Variants in SCARB2 observed in about 807,000 individuals in gnomAD.
The protein encoded by SCARB2 is lysosome membrane protein 2.
Under a neutral mutation model 58.6 loss-of-function variants are expected in SCARB2, and 29 were observed. That is an observed-to-expected ratio of 0.49 (90% CI 0.37 to 0.67). The LOEUF (loss-of-function observed/expected upper bound fraction) is 0.67, where lower values mean the gene tolerates loss of function less well. Among genes scored for constraint, SCARB2 ranks in the 30% least tolerant of loss-of-function variants. The pLI, the probability that SCARB2 is intolerant of heterozygous loss-of-function variation, is 0.00. For synonymous variants in SCARB2, 195 were observed against 210.1 expected, an observed-to-expected ratio of 0.93 and a Z score of 0.62; for missense variants, 488 against 578.5, an observed-to-expected ratio of 0.84 and a Z score of 1.60.
At chr4:76,215,410 C>T (rs1031296675), upstream of SCARB2, among the ~76,000 whole-genome samples, 2 of 152,142 alleles carry the variant, frequency 1.3e-5, no homozygotes, top group Non-Finnish European at 2.9e-5. Flanking sequence ...TGCTGCATCC[C>T]GATCTGTCAC....
intron 7 of SCARB2, among the ~76,000 whole-genome samples, chr4:76,172,396 T>C (rs984245223): frequency 1.3e-5 from 2 of 151,870 alleles, no homozygotes; most frequent in Admixed American, 6.6e-5. Context: ...TCTGGAACTA[T>C]AGGTGTATGC....
chr4:76,193,944 T>C (rs934474249), intron 2 of SCARB2: 1 of 152,220 alleles, frequency 6.6e-6, no homozygotes, highest in African/African-American at 2.4e-5. Flanking sequence ...CATGTTGAAC[T>C]GTAATCTTCA....
chr4:76,213,951 G>A (rs918689783), upstream of SCARB2: 18 of 168,596 alleles, frequency 1.1e-4, no homozygotes, highest in Admixed American at 2.0e-4. Flanking sequence ...TGCGGCGGCG[G>A]CAGTGATTCG....
chr4:76,187,509 T>C (rs1227275020), intron 2 of SCARB2, among the ~76,000 whole-genome samples: 1 of 152,226 alleles, frequency 6.6e-6, no homozygotes, highest in Admixed American at 6.5e-5. Flanking sequence ...GTAATACATT[T>C]ACTCTATTAA....
intron 1 of SCARB2, 37 bp from the exon 2 acceptor site, chr4:76,195,901 A>G (rs960124165): frequency 7.0e-6 from 11 of 1,573,210 alleles, no homozygotes; most frequent in Non-Finnish European, 7.8e-6. Flanking sequence ...CAAAAATGTA[A>G]GGCAATAGTT....
chr4:76,162,652 C>T (rs189684778), intron 11 of SCARB2: 1 of 160,652 alleles, frequency 6.2e-6, no homozygotes, highest in African/African-American at 2.4e-5. Context: ...CCCTGGCTGT[C>T]TTGCTCTATA....
At chr4:76,192,328 C>T (rs545954293) in intron 2 of SCARB2, 1 of 152,304 alleles carries the variant, frequency 6.6e-6, no homozygotes, top group Non-Finnish European at 1.5e-5. Context: ...CTGAAAAGGT[C>T]TCAGATGGAA....
chr4:76,209,977 T>C (rs1368830886), intron 1 of SCARB2, among the ~76,000 whole-genome samples: 5 of 152,196 alleles, frequency 3.3e-5, no homozygotes, highest in Non-Finnish European at 7.3e-5. Flanking sequence ...CTGCAGAGAT[T>C]AGGAGCGCAA....
At chr4:76,229,179 T>C (rs1733451217) in intron 1 of SCARB2, among the ~76,000 whole-genome samples, 1 of 152,238 alleles carries the variant, frequency 6.6e-6, no homozygotes, top group African/African-American at 2.4e-5. Flanking sequence ...GTCTTTGATT[T>C]CCAGAAGTTG....
intron 1 of SCARB2, among the ~76,000 whole-genome samples, chr4:76,210,891 C>T (rs1333297440): frequency 6.6e-6 from 1 of 152,144 alleles, no homozygotes; most frequent in East Asian, 1.9e-4. Context: ...ATCCCTTTTC[C>T]CTCTTCCCTT....
At chr4:76,220,354 T>G (rs1377795557) in intron 1 of SCARB2, among the ~76,000 whole-genome samples, 3 of 152,164 alleles carry the variant, frequency 2.0e-5, no homozygotes. Context: ...AGGCTGGGTG[T>G]GGTGGCTCAT....
intron 8 of SCARB2, among the ~76,000 whole-genome samples, chr4:76,169,349 T>C (rs932377342): frequency 1.6e-5 from 2 of 126,446 alleles, no homozygotes; most frequent in Non-Finnish European, 3.3e-5. Flanking sequence ...CACGTGTGTA[T>C]GTCTCCTCTA....
intron 7 of SCARB2, 153 bp downstream of exon 7, chr4:76,173,991 G>A: frequency 1.1e-6 from 1 of 880,306 alleles, no homozygotes; most frequent in Non-Finnish European, 1.8e-6. Flanking sequence ...ATGGACTTGA[G>A]AACTCCTGGG....
intron 1 of SCARB2, among the ~76,000 whole-genome samples, chr4:76,200,034 C>T (rs1329230795): frequency 1.3e-5 from 2 of 152,202 alleles, no homozygotes; most frequent in Non-Finnish European, 2.9e-5. Context: ...CAAATAATAA[C>T]CTCAGCCTCA....
In SCARB2 at chr4:76,195,741, G is replaced by A. The variant is rs878853018; in HGVS notation, c.241C>T (p.Pro81Ser). ...NPEEILRGET[P>S]RVEEVGPYTY... ...TATGGCCCCACTTCTTCCACCCGAG[G>A]GGTCTCCCCTCTGAGGATCTCCTCT... Residue 81 changes from proline (P) to serine (S), a missense_variant, in exon 2 of 12, where the codon CCT (proline) becomes TCT (serine). Pro to Ser is a moderately conservative substitution (Grantham distance 74, BLOSUM62 -1). Transcript: ENST00000264896. 1 of 1,613,900 alleles carries A rather than the reference G, an allele frequency of 6.2e-7. No individual in the cohort carries two copies. Among genetic ancestry groups the A allele is most frequent in the African/African-American group, 1.3e-5 (1 of 74,884 alleles).
At chr4:76,227,849 C>T (rs1172304796) in intron 1 of SCARB2, among the ~76,000 whole-genome samples, 1 of 152,112 alleles carries the variant, frequency 6.6e-6, no homozygotes, top group Non-Finnish European at 1.5e-5. Context: ...AATAGCTATT[C>T]CTGCTTGCTT....
chr4:76,228,195 C>T (rs1167551643), intron 1 of SCARB2, among the ~76,000 whole-genome samples: 2 of 151,820 alleles, frequency 1.3e-5, no homozygotes, highest in Non-Finnish European at 2.9e-5. Context: ...TTTAGAATCC[C>T]AGCTGGGCGC....
chr4:76,215,292 A>G (rs1733184201), upstream of SCARB2, among the ~76,000 whole-genome samples: 1 of 152,208 alleles, frequency 6.6e-6, no homozygotes, highest in Admixed American at 6.5e-5. Flanking sequence ...GCTCTGAGTT[A>G]AGTAACCTAA....
Position 76,161,658 on chromosome 4 carries a change from T to C in SCARB2, c.*55A>G. ...CAAGGAGGTGGAGGGTTTCCCCACGTCATCGTCCAGGTCAGGACAGCTCAC... is the reference window on the plus strand; with the variant it reads ...CAAGGAGGTGGAGGGTTTCCCCACGCCATCGTCCAGGTCAGGACAGCTCAC... On this transcript the variant is annotated 3_prime_UTR_variant, in exon 12 of 12. Transcript: ENST00000264896. 2.5e-6 allele frequency: 4 copies of C among 1,593,142 alleles called. No homozygotes were observed. Among genetic ancestry groups the C allele is most frequent in the Non-Finnish European group, 3.4e-6 (4 of 1,160,880 alleles).
Sources: allele counts gnomAD v4.1 joint callset (sites outside exome capture counted in the v4.1 genomes callset), GRCh38; gene constraint gnomAD v4.1.1; transcripts MANE v1.5; gene names NCBI Gene and HGNC (gene_info 2026-07-23, HGNC 2026-07-21).